The following EXOC4 variants were observed in gnomAD, a reference collection of about 807,000 sequenced individuals.
EXOC4 encodes SEC8-like 1.
In EXOC4, 71 loss-of-function variants were observed where a neutral mutation model predicts 107.2. The ratio of observed to expected loss-of-function variants is 0.66; its 90% confidence interval spans 0.55 to 0.81. The LOEUF is 0.81. EXOC4 is among the 30% of genes least tolerant of loss of function. EXOC4 has a pLI of 0.00. For missense variants in EXOC4, 1,108 were observed against 1,189.6 expected (o/e 0.93, Z 1.01); for synonymous variants, 456 against 441.2 (o/e 1.03, Z -0.42).
At chr7:133,696,879 GTT>G (rs541180362) in intron 10 of EXOC4, among the ~76,000 whole-genome samples, 233 of 152,234 alleles carry the variant, frequency 1.5e-3, no homozygotes, top group African/African-American at 5.5e-3. Context: ...TATTAGTGTA[GTT>G]TTTCTTTCTG....
intron 7 of EXOC4, among the ~76,000 whole-genome samples, chr7:133,415,241 A>G (rs1477182965): frequency 6.6e-6 from 1 of 152,102 alleles, no homozygotes; most frequent in Non-Finnish European, 1.5e-5. Context: ...ATGAGCATTT[A>G]TGTTTAAGTT....
chr7:133,657,918 A>G (rs1803340086), intron 10 of EXOC4, among the ~76,000 whole-genome samples: 1 of 152,164 alleles, frequency 6.6e-6, no homozygotes, highest in Non-Finnish European at 1.5e-5. Flanking sequence ...GCCAATAGGA[A>G]TAAAATAGAC....
chr7:134,091,587 G>T, the EXOC4 span, among the ~76,000 whole-genome samples: 2 of 152,140 alleles, frequency 1.3e-5, no homozygotes, highest in African/African-American at 2.4e-5. Flanking sequence ...CTCATTTTAC[G>T]CAGCCCTTAT....
intron 1 of EXOC4, among the ~76,000 whole-genome samples, chr7:133,259,232 CTTT>C (rs1160021022): frequency 7.7e-5 from 10 of 129,520 alleles, no homozygotes; most frequent in Non-Finnish European, 8.4e-5. Context: ...AGTTTAATTT[CTTT>C]TTTTTTTTTT....
At chr7:133,957,634 A>G (rs1800846425) in intron 14 of EXOC4, among the ~76,000 whole-genome samples, 1 of 152,174 alleles carries the variant, frequency 6.6e-6, no homozygotes, top group African/African-American at 2.4e-5. Flanking sequence ...TATAAGGATT[A>G]TTTCTTAATC....
intron 10 of EXOC4, among the ~76,000 whole-genome samples, chr7:133,794,768 A>G (rs1348474766): frequency 1.3e-5 from 2 of 151,868 alleles, no homozygotes; most frequent in African/African-American, 4.8e-5. Flanking sequence ...GCATCTCCCA[A>G]TCAAATCACA....
chr7:133,859,925 A>G (rs1213455727), intron 11 of EXOC4, among the ~76,000 whole-genome samples: 1 of 152,172 alleles, frequency 6.6e-6, no homozygotes, highest in Non-Finnish European at 1.5e-5. Context: ...AAATTTCGTT[A>G]CAAAGATTTG....
chr7:133,869,347 C>T (rs1240606478), intron 11 of EXOC4, among the ~76,000 whole-genome samples: 1 of 152,134 alleles, frequency 6.6e-6, no homozygotes, highest in Non-Finnish European at 1.5e-5. Context: ...CAGCTCTGGG[C>T]TCCTCCACTT....
intron 11 of EXOC4, among the ~76,000 whole-genome samples, chr7:133,886,779 A>G (rs190324986): frequency 2.6e-5 from 4 of 152,366 alleles, no homozygotes; most frequent in Admixed American, 1.3e-4. Flanking sequence ...AAAGAGATCA[A>G]ATAAATAAAA....
At chr7:133,278,576 G>A (rs991738143) in intron 2 of EXOC4, among the ~76,000 whole-genome samples, 17 of 152,268 alleles carry the variant, frequency 1.1e-4, no homozygotes, top group South Asian at 1.0e-3. Flanking sequence ...TCCCAAGTCA[G>A]GGGCATGATT....
intron 1 of EXOC4, among the ~76,000 whole-genome samples, chr7:133,261,268 T>G (rs1257488318): frequency 2.6e-5 from 4 of 151,580 alleles, no homozygotes; most frequent in African/African-American, 9.7e-5. Context: ...TTGTAGTTTT[T>G]TTTTTTTTTT....
At chr7:133,515,675 C>T (rs1269459508) in intron 9 of EXOC4, among the ~76,000 whole-genome samples, 2 of 152,052 alleles carry the variant, frequency 1.3e-5, no homozygotes, top group Non-Finnish European at 1.5e-5. Flanking sequence ...TGCTACATTG[C>T]CCAGGCTGGT....
intron 17 of EXOC4, among the ~76,000 whole-genome samples, chr7:134,052,474 A>G (rs1795820323): frequency 6.6e-6 from 1 of 151,854 alleles, no homozygotes; most frequent in South Asian, 2.1e-4. Flanking sequence ...AGAGGGAAGG[A>G]CTGATTTTTT....
At chr7:133,365,363 A>G (rs886189504) in intron 6 of EXOC4, among the ~76,000 whole-genome samples, 3 of 152,178 alleles carry the variant, frequency 2.0e-5, no homozygotes, top group Non-Finnish European at 4.4e-5. Context: ...ATTTCAAAAG[A>G]ATGATACTGA....
chr7:133,897,079 G>A (rs901730112), intron 12 of EXOC4, among the ~76,000 whole-genome samples: 7 of 149,618 alleles, frequency 4.7e-5, no homozygotes, highest in Non-Finnish European at 8.9e-5. Flanking sequence ...CTAAAAAGGG[G>A]TCATAAAAAA....
intron 10 of EXOC4, among the ~76,000 whole-genome samples, chr7:133,682,491 G>T (rs1213594609): frequency 6.6e-6 from 1 of 152,102 alleles, no homozygotes; most frequent in Non-Finnish European, 1.5e-5. Flanking sequence ...GGCCTCCCCA[G>T]CCATGTGGAA....
chr7:133,415,755 AG>A (rs1455054399), intron 7 of EXOC4, among the ~76,000 whole-genome samples: 1 of 152,180 alleles, frequency 6.6e-6, no homozygotes, highest in African/African-American at 2.4e-5. Context: ...CTATATACAT[AG>A]CTGTTATATT....
intron 7 of EXOC4, among the ~76,000 whole-genome samples, chr7:133,416,850 A>G (rs1000165320): frequency 2.0e-5 from 3 of 152,172 alleles, no homozygotes; most frequent in Non-Finnish European, 4.4e-5. Flanking sequence ...GAGCTGAAGG[A>G]ATGCACGGTG....
intron 10 of EXOC4, among the ~76,000 whole-genome samples, chr7:133,803,477 GCTGTTTTATCTT>G (rs1488429050): frequency 6.6e-6 from 1 of 152,102 alleles, no homozygotes; most frequent in African/African-American, 2.4e-5. Context: ...TGCTTGGACA[GCTGTTTTATCTT>G]CTGTGAGTTT....
Sources: gnomAD v4.1 joint callset for allele counts (sites outside exome capture counted in the v4.1 genomes callset) on GRCh38, gnomAD v4.1.1 for gene constraint, MANE v1.5 for transcripts, NCBI Gene and HGNC (gene_info 2026-07-23, HGNC 2026-07-21) for gene names.